Variants in SLC4A4 observed in about 807,000 individuals in gnomAD.
SLC4A4 encodes solute carrier family 4 member 4.
A neutral mutation model predicts 111.5 loss-of-function variants in SLC4A4; 27 were observed. The observed-to-expected ratio is 0.24, with a 90% CI of 0.18 to 0.33. The LOEUF is 0.33. Ranked by LOEUF, SLC4A4 falls within the 10% of genes least tolerant of loss-of-function variation. The pLI, the probability that SLC4A4 is intolerant of heterozygous loss-of-function variation, is 1.00. For missense variants in SLC4A4, 909 were observed against 1,315.5 expected (o/e 0.69, Z 4.78); for synonymous variants, 443 against 463.4 (o/e 0.96, Z 0.57).
intron 1 of SLC4A4, among the ~76,000 whole-genome samples, chr4:71,089,351 T>A (rs925528012): frequency 3.9e-5 from 6 of 152,058 alleles, no homozygotes; most frequent in Admixed American, 1.3e-4. Flanking sequence ...AACTTCCTCC[T>A]TTAGCTTGGT....
chr4:71,384,327 T>C lies in SLC4A4; in HGVS notation c.731-13250T>C, dbSNP rs4320111. Among the ~76,000 whole-genome samples the C allele has an allele frequency of 9.0e-3, 1,377 of 152,290 alleles. 24 individuals carry two copies. Among genetic ancestry groups the C allele is most frequent in the African/African-American group, 0.029 (1,223 of 41,548 alleles). ...ACTTTGGTCTACAGTGTCTTCAGGGTCACTTGGGTGAAAGAGGCATTATGG... is the reference window on the plus strand; with the variant it reads ...ACTTTGGTCTACAGTGTCTTCAGGGCCACTTGGGTGAAAGAGGCATTATGG... On this transcript the variant is annotated intron_variant, in intron 6 of 25. Coordinates refer to ENST00000264485, the MANE Select transcript of SLC4A4 (RefSeq NM_001098484.3).
intron 1 of SLC4A4, among the ~76,000 whole-genome samples, chr4:71,088,373 G>A (rs1370591114): frequency 6.6e-6 from 1 of 151,950 alleles, no homozygotes; most frequent in Non-Finnish European, 1.5e-5. Flanking sequence ...GCCAGTCTGT[G>A]TCTTTTAATT....
rs200499771 is a variant in SLC4A4 at position 71,497,573 on chromosome 4, G to T, written c.2047G>T (p.Gly683Trp). 2 of 1,613,186 alleles carry T rather than the reference G, an allele frequency of 1.2e-6. No homozygotes were observed. Among genetic ancestry groups the T allele is most frequent in the African/African-American group, 1.3e-5 (1 of 74,952 alleles). Residue 683 changes from glycine (G) to tryptophan (W), a missense_variant, in exon 16 of 26, where the codon GGG (glycine) becomes TGG (tryptophan). By Grantham distance (184) the Gly-to-Trp change is radical (BLOSUM62 -2). Coordinates refer to ENST00000264485, the MANE Select transcript of SLC4A4 (RefSeq NM_001098484.3). ...TTCAAAATACGGAGGAAACCTCGTCGGGAACAACTGTAATTTTGTTCCTGA... is the reference window on the plus strand; with the variant it reads ...TTCAAAATACGGAGGAAACCTCGTCTGGAACAACTGTAATTTTGTTCCTGA... ...ECSKYGGNLVGNNCNFVPDIT... is the reference protein window; with the variant it reads ...ECSKYGGNLVWNNCNFVPDIT...
intron 2 of SLC4A4, among the ~76,000 whole-genome samples, chr4:71,242,647 C>G (rs954750678): frequency 1.3e-5 from 2 of 151,758 alleles, no homozygotes; most frequent in Non-Finnish European, 2.9e-5. Context: ...ATGGATACAG[C>G]CTCACCAATA....
At chr4:71,556,995 T>C (rs2149248912) in intron 21 of SLC4A4, among the ~76,000 whole-genome samples, 1 of 152,088 alleles carries the variant, frequency 6.6e-6, no homozygotes, top group Admixed American at 6.6e-5. Flanking sequence ...CGGCAGTTAT[T>C]CTTTGAAGCA....
At chr4:71,457,817 G>C (rs1726427649) in intron 12 of SLC4A4, among the ~76,000 whole-genome samples, 1 of 151,878 alleles carries the variant, frequency 6.6e-6, no homozygotes, top group South Asian at 2.1e-4. Context: ...TCCTCCCATG[G>C]ATACCAAAAT....
chr4:71,296,524 T>TA (rs1358024666), intron 3 of SLC4A4, among the ~76,000 whole-genome samples: 8 of 152,180 alleles, frequency 5.3e-5, no homozygotes, highest in Admixed American at 4.6e-4. Flanking sequence ...GAGTTGGGTG[T>TA]ATTTTTTTGG....
intron 3 of SLC4A4, chr4:71,339,081 G>C (rs930967891): frequency 5.6e-5 from 88 of 1,575,220 alleles, no homozygotes; most frequent in Non-Finnish European, 7.2e-5. Context: ...TTAGACCTCA[G>C]CTCATCTGAG....
chr4:71,537,400 TATAC>T (rs1560599700), intron 18 of SLC4A4, among the ~76,000 whole-genome samples: 1 of 31,708 alleles, frequency 3.2e-5, no homozygotes, highest in East Asian at 5.5e-4. Flanking sequence ...GTGTATATAT[TATAC>T]ATATATGTGT....
intron 3 of SLC4A4, among the ~76,000 whole-genome samples, chr4:71,279,541 A>G (rs190631371): frequency 6.6e-6 from 1 of 152,170 alleles, no homozygotes; most frequent in East Asian, 1.9e-4. Flanking sequence ...TGTTGATTCC[A>G]TATGTTGGCT....
chr4:71,125,327 A>G (rs1398036198), intron 2 of SLC4A4, among the ~76,000 whole-genome samples: 1 of 152,186 alleles, frequency 6.6e-6, no homozygotes, highest in East Asian at 1.9e-4. Context: ...AGTGGCTCAT[A>G]CCTGTAATCC....
intron 2 of SLC4A4, among the ~76,000 whole-genome samples, chr4:71,181,496 AT>A (rs1373064674): frequency 6.6e-6 from 1 of 152,216 alleles, no homozygotes; most frequent in Non-Finnish European, 1.5e-5. Flanking sequence ...CTTTATGCAC[AT>A]GCAAATAAAT....
intron 3 of SLC4A4, among the ~76,000 whole-genome samples, chr4:71,285,609 A>C (rs1480792779): frequency 6.6e-6 from 1 of 152,174 alleles, no homozygotes; most frequent in Admixed American, 6.5e-5. Context: ...TGAAGTCAAC[A>C]TCTGGAGCAC....
chr4:71,149,565 C>T (rs1336487816), intron 2 of SLC4A4, among the ~76,000 whole-genome samples: 1 of 152,142 alleles, frequency 6.6e-6, no homozygotes, highest in Non-Finnish European at 1.5e-5. Context: ...TCTGCAAGTC[C>T]TCTTAGGTAA....
chr4:71,216,024 T>G (rs1016850159), intron 1 of SLC4A4, among the ~76,000 whole-genome samples: 1 of 150,276 alleles, frequency 6.7e-6, no homozygotes, highest in South Asian at 2.2e-4. Context: ...TTCTCCTGTC[T>G]CAGCCTCCCA....
At chr4:71,364,264 T>C (rs1210532614) in intron 6 of SLC4A4, among the ~76,000 whole-genome samples, 1 of 152,184 alleles carries the variant, frequency 6.6e-6, no homozygotes, top group South Asian at 2.1e-4. Flanking sequence ...TTATGAGCAA[T>C]TTACATAATC....
chr4:71,190,670 A>G (rs769066146), intron 1 of SLC4A4, among the ~76,000 whole-genome samples: 3 of 152,140 alleles, frequency 2.0e-5, no homozygotes, highest in Non-Finnish European at 4.4e-5. Flanking sequence ...GTGCTCTAAA[A>G]TTGTGCCCAT....
intron 24 of SLC4A4, among the ~76,000 whole-genome samples, chr4:71,565,424 C>T (rs1482669961): frequency 1.3e-5 from 2 of 151,808 alleles, no homozygotes; most frequent in Admixed American, 1.3e-4. Flanking sequence ...GAACTCTCAC[C>T]CTGCTCTGTC....
At chr4:71,437,081 C>T in intron 7 of SLC4A4, 1 of 432,144 alleles carries the variant, frequency 2.3e-6, no homozygotes, top group South Asian at 1.8e-5. Context: ...CAGGCAATCA[C>T]TTCTTTGTGG....
Sources: gnomAD v4.1 joint callset for allele counts (sites outside exome capture counted in the v4.1 genomes callset) on GRCh38, gnomAD v4.1.1 for gene constraint, MANE v1.5 for transcripts, NCBI Gene and HGNC (gene_info 2026-07-23, HGNC 2026-07-21) for gene names.